The following ZNF83 variants were observed in gnomAD, a reference collection of about 807,000 sequenced individuals.
ZNF83 encodes the protein zinc finger protein 83, also known as zinc finger protein 816B.
For missense variants in ZNF83, 552 were observed against 629.9 expected, an observed-to-expected ratio of 0.88 and a Z score of 1.32; for synonymous variants, 209 against 213.0, an observed-to-expected ratio of 0.98 and a Z score of 0.17.
chr19:52,683,434 C>G (rs59759830), intron 1 of ZNF83, among the ~76,000 whole-genome samples: 24,876 of 150,450 alleles, frequency 0.17, 2,372 homozygotes, highest in African/African-American at 0.26. Flanking sequence ...GCCTCCAGCT[C>G]CTCCGGAACA....
intron 1 of ZNF83, among the ~76,000 whole-genome samples, chr19:52,661,302 C>A (rs1190894901): frequency 2.0e-5 from 3 of 152,184 alleles, no homozygotes; most frequent in Non-Finnish European, 2.9e-5. Context: ...CACAGGAAGA[C>A]CTACAAGGGT....
chr19:52,677,732 G>A (rs1190589826), intron 1 of ZNF83, among the ~76,000 whole-genome samples: 4 of 151,896 alleles, frequency 2.6e-5, no homozygotes, highest in East Asian at 3.9e-4. Context: ...GGTAGAGATC[G>A]GTTTGTGAAA....
chr19:52,683,529 A>ACTCT (rs1568585242), intron 1 of ZNF83, among the ~76,000 whole-genome samples: 3 of 20,388 alleles, frequency 1.5e-4, no homozygotes, highest in African/African-American at 8.6e-4. Context: ...TCCAAAGGGA[A>ACTCT]GGGCAAAGTC....
chr19:52,650,770 T>C (rs2061432131), intron 3 of ZNF83: 1 of 152,180 alleles, frequency 6.6e-6, no homozygotes, highest in Non-Finnish European at 1.5e-5. Context: ...GACAAACTTG[T>C]TAGGAAGTGG....
At chr19:52,647,022 C>G (rs1241522493) in intron 3 of ZNF83, among the ~76,000 whole-genome samples, 1 of 152,160 alleles carries the variant, frequency 6.6e-6, no homozygotes. Flanking sequence ...GATGTGAGTC[C>G]ACTGAGCTGG....
chr19:52,672,057 A>G (rs1477272059), intron 1 of ZNF83, among the ~76,000 whole-genome samples: 2 of 152,110 alleles, frequency 1.3e-5, no homozygotes, highest in Non-Finnish European at 2.9e-5. Context: ...AACATGGTGA[A>G]ACCCCATCTG....
At chr19:52,646,834 G>C (rs1445437124) in intron 3 of ZNF83, among the ~76,000 whole-genome samples, 3 of 152,176 alleles carry the variant, frequency 2.0e-5, no homozygotes, top group African/African-American at 4.8e-5. Flanking sequence ...GTAAGTTCCT[G>C]TTTTTCTTTT....
chr19:52,671,322 C>T (rs558169370), intron 1 of ZNF83, among the ~76,000 whole-genome samples: 14 of 152,168 alleles, frequency 9.2e-5, no homozygotes, highest in East Asian at 3.9e-4. Flanking sequence ...ACTACTTTTA[C>T]GATAAATGTT....
At chr19:52,638,809 GTGA>G (rs1278176699), upstream of ZNF83, among the ~76,000 whole-genome samples, 1 of 152,194 alleles carries the variant, frequency 6.6e-6, no homozygotes, top group African/African-American at 2.4e-5. Context: ...CCAAGGATGG[GTGA>G]GGTCACCACC....
intron 2 of ZNF83, among the ~76,000 whole-genome samples, chr19:52,626,969 A>AAAC (rs2060762972): frequency 6.6e-6 from 1 of 152,174 alleles, no homozygotes; most frequent in African/African-American, 2.4e-5. Context: ...AAAAGAAGTG[A>AAAC]AACAGCCAGC....
At chr19:52,680,604 A>ATTT (rs1568582562) in intron 1 of ZNF83, among the ~76,000 whole-genome samples, 25 of 89,892 alleles carry the variant, frequency 2.8e-4, no homozygotes, top group African/African-American at 8.5e-4. Flanking sequence ...TTTCCACAAA[A>ATTT]TATTTTTTTT....
chr19:52,665,231 G>A (rs1383332604), intron 1 of ZNF83, among the ~76,000 whole-genome samples: 1 of 152,096 alleles, frequency 6.6e-6, no homozygotes, highest in Non-Finnish European at 1.5e-5. Flanking sequence ...AGGCCAGGGA[G>A]GAGTGAGGTC....
chr19:52,655,470 T>A, intron 3 of ZNF83: 1 of 1,200,598 alleles, frequency 8.3e-7, no homozygotes, highest in Non-Finnish European at 1.2e-6. Context: ...AAAGCATGTA[T>A]GCGGCAAAAT....
chr19:52,647,709 G>T (rs802877), intron 3 of ZNF83, among the ~76,000 whole-genome samples: 1 of 150,914 alleles, frequency 6.6e-6, no homozygotes, highest in African/African-American at 2.4e-5. Flanking sequence ...CCTCTCTTCT[G>T]CTGCTGTTTA....
rs922338813 is a variant in ZNF83 at position 52,681,349 on chromosome 19, A to C, written c.-283+9094T>G. ...CTACAGATAGTATGTTCAACATAAC[A>C]GGTGATATTCATTACCTAGATGAGC... On this transcript the variant is annotated intron_variant, in intron 1 of 5. Transcript: ENST00000594682. Among the ~76,000 whole-genome samples the C allele has an allele frequency of 8.6e-5, 13 of 151,624 alleles. No individual in the cohort carries two copies. In the East Asian group the frequency reaches 2.5e-3, roughly 29 times the overall value.
At chr19:52,618,851 A>C in intron 2 of ZNF83, 2 of 1,509,964 alleles carry the variant, frequency 1.3e-6, no homozygotes, top group Non-Finnish European at 1.8e-6. Flanking sequence ...TTAGTCAAGC[A>C]AGGATGCAAC....
chr19:52,677,106 C>A, intron 1 of ZNF83, among the ~76,000 whole-genome samples: 1 of 123,450 alleles, frequency 8.1e-6, no homozygotes. Context: ...CTGTGAGAAA[C>A]ACCCAAGAAT....
At chr19:52,625,815 T>C (rs758435235) in intron 2 of ZNF83, among the ~76,000 whole-genome samples, 7 of 152,148 alleles carry the variant, frequency 4.6e-5, no homozygotes, top group East Asian at 1.9e-4. Flanking sequence ...ACCATGAATA[T>C]TGAACCTCCC....
chr19:52,632,908 G>A (rs1349826781), intron 2 of ZNF83, among the ~76,000 whole-genome samples: 1 of 151,834 alleles, frequency 6.6e-6, no homozygotes, highest in Non-Finnish European at 1.5e-5. Flanking sequence ...AGGTTCCCAC[G>A]CCACCCCTAA....
Sources: allele counts gnomAD v4.1 joint callset (sites outside exome capture counted in the v4.1 genomes callset), GRCh38; gene constraint gnomAD v4.1.1; transcripts MANE v1.5; gene names NCBI Gene and HGNC (gene_info 2026-07-23, HGNC 2026-07-21).